FRYL: variants seen among roughly 807,000 people sequenced by gnomAD.
FRYL encodes the protein protein furry homolog-like.
A neutral mutation model predicts 351.2 loss-of-function variants in FRYL; 150 were observed. The observed-to-expected ratio is 0.43, with a 90% confidence interval of 0.37 to 0.49. The LOEUF is 0.49. Among genes scored for constraint, FRYL ranks in the 20% least tolerant of loss-of-function variants. The pLI is 0.00. For missense variants in FRYL, 3,036 were observed against 3,619.3 expected, an observed-to-expected ratio of 0.84 and a Z score of 4.13; for synonymous variants, 1,153 against 1,257.1, an observed-to-expected ratio of 0.92 and a Z score of 1.75.
At chr4:48,640,927 AC>A (rs1755197632) in intron 3 of FRYL, among the ~76,000 whole-genome samples, 1 of 152,216 alleles carries the variant, frequency 6.6e-6, no homozygotes, top group African/African-American at 2.4e-5. Context: ...ACAATAACAT[AC>A]TTGGATCACA....
At chr4:48,636,065 T>C (rs1215371716) in intron 3 of FRYL, among the ~76,000 whole-genome samples, 3 of 152,140 alleles carry the variant, frequency 2.0e-5, no homozygotes, top group African/African-American at 4.8e-5. Flanking sequence ...CATCTTTGTG[T>C]CATATCAAGT....
At chr4:48,736,849 C>T (rs1462457225) in intron 1 of FRYL, among the ~76,000 whole-genome samples, 8 of 28,090 alleles carry the variant, frequency 2.8e-4, no homozygotes, top group African/African-American at 6.1e-4. Context: ...GACTCTGTCT[C>T]GAAAAAAAAA....
intron 1 of FRYL, among the ~76,000 whole-genome samples, chr4:48,756,810 T>C (rs139893724): frequency 2.0e-4 from 31 of 152,164 alleles, no homozygotes; most frequent in African/African-American, 6.7e-4. Flanking sequence ...TCCCCAGGTG[T>C]GGTGGCACAC....
At position 48,708,150 on chromosome 4, in the gene FRYL, G is replaced by A. The variant is rs184373750; in HGVS notation, c.-204+2369C>T. On this transcript the variant is annotated intron_variant, in intron 2 of 63. Transcript: ENST00000358350. ...TTCTTTTTAAGAGACAGGGTGGTAG[G>A]CACCTGTAATCCCAGCTACTCAGGA... Among the ~76,000 whole-genome samples the A allele has an allele frequency of 1.4e-3, 217 of 151,492 alleles. 2 individuals are homozygous for A. The East Asian group carries it at 0.027, about 19-fold the overall frequency.
chr4:48,568,433 T>C (rs1737355923), intron 27 of FRYL, among the ~76,000 whole-genome samples: 1 of 152,222 alleles, frequency 6.6e-6, no homozygotes, highest in South Asian at 2.1e-4. Flanking sequence ...AGTAAGGATG[T>C]AAATGAACTG....
intron 21 of FRYL, among the ~76,000 whole-genome samples, chr4:48,581,167 G>A (rs543966293): frequency 6.0e-5 from 9 of 150,528 alleles, no homozygotes; most frequent in Admixed American, 4.0e-4. Flanking sequence ...TCAGCCTCCC[G>A]AGTAGCTGGA....
At chr4:48,689,823 T>G (rs1049460550) in intron 2 of FRYL, among the ~76,000 whole-genome samples, 1 of 152,048 alleles carries the variant, frequency 6.6e-6, no homozygotes, top group Non-Finnish European at 1.5e-5. Context: ...ATTAAGAGCC[T>G]CTGATAAAAA....
chr4:48,508,448 G>A (rs1227107054), intron 59 of FRYL, among the ~76,000 whole-genome samples: 1 of 152,142 alleles, frequency 6.6e-6, no homozygotes, highest in Non-Finnish European at 1.5e-5. Flanking sequence ...GCAGTTTTCT[G>A]TATAGAGGTA....
chr4:48,718,834 A>G lies in FRYL; in HGVS notation c.-383-8136T>C, dbSNP rs192061115. ...ATCTGACCTACCTATTCAGGTGACC[A>G]TTATGCTCCCCCAACACACAAAAAA... On this transcript the variant is annotated intron_variant, in intron 1 of 63. Transcript: ENST00000358350. 5.3e-5 allele frequency among the ~76,000 whole-genome samples: 8 copies of G among 151,324 alleles called. No homozygotes were observed. The Admixed American group carries it at 5.3e-4, about 10-fold the overall frequency.
At chr4:48,589,694 C>G in intron 18 of FRYL, 51 bp downstream of exon 18, 3 of 1,573,352 alleles carry the variant, frequency 1.9e-6, no homozygotes, top group Non-Finnish European at 2.6e-6. Context: ...ACCATCCACA[C>G]TGTCTTAGGA....
rs563689703 is a variant in FRYL, at chr4:48,498,628, T to A, written c.*794A>T. 6.6e-6 allele frequency: 1 copy of A among 152,662 alleles called. No homozygotes were observed. Among genetic ancestry groups the A allele is most frequent in the Admixed American group, 6.5e-5 (1 of 15,278 alleles). The allele number at this position is 152,662 out of a possible 1,614,324, so 9.5% of individuals were successfully genotyped here. A position where few individuals can be genotyped will look rare whatever the true frequency, so the allele number is the denominator to read the frequency against. On this transcript the variant is annotated 3_prime_UTR_variant, in exon 64 of 64. Coordinates refer to ENST00000358350, the MANE Select transcript of FRYL (RefSeq NM_015030.2). Reference sequence around the variant, plus strand: ...ACGTTAACAGATATATTATTTCTTTTTGAAATACTGGGAAAGCCCAGTTTT... The same window carrying A: ...ACGTTAACAGATATATTATTTCTTTATGAAATACTGGGAAAGCCCAGTTTT...
In FRYL at chr4:48,580,969, T is replaced by A. The variant is rs760122872; in HGVS notation, c.2173-18A>T. On this transcript the variant is annotated intron_variant, in intron 21 of 63. Transcript: ENST00000358350. ...TCATCACCCTGTAAAAAAGACATCA[T>A]ATGTCTAAAAAAATTAGGAATGTTT... 1 of 1,517,772 alleles carries A rather than the reference T, an allele frequency of 6.6e-7. No homozygotes were observed. Among genetic ancestry groups the A allele is most frequent in the Non-Finnish European group, 8.9e-7 (1 of 1,120,652 alleles). 94.0% of individuals were successfully genotyped at this position (1,517,772 alleles called of 1,614,324 possible).
At chr4:48,528,448 G>A in intron 50 of FRYL, 112 bp from the exon 51 acceptor site, 1 of 706,282 alleles carries the variant, frequency 1.4e-6, no homozygotes, top group Non-Finnish European at 2.1e-6. Flanking sequence ...AAAAGATGAG[G>A]AGAGAAATTA....
At chr4:48,769,929 A>T (rs1186096239) in intron 1 of FRYL, among the ~76,000 whole-genome samples, 3 of 152,272 alleles carry the variant, frequency 2.0e-5, no homozygotes, top group Admixed American at 6.5e-5. Context: ...GTAGGGGGGA[A>T]CCTTGAGCTT....
chr4:48,738,629 T>A (rs1198344628), intron 1 of FRYL, among the ~76,000 whole-genome samples: 1 of 151,958 alleles, frequency 6.6e-6, no homozygotes, highest in South Asian at 2.1e-4. Flanking sequence ...TCCCCAGTAG[T>A]TGGGACTACA....
At chr4:48,740,591 G>A (rs1560339331) in intron 1 of FRYL, among the ~76,000 whole-genome samples, 1 of 151,936 alleles carries the variant, frequency 6.6e-6, no homozygotes, top group African/African-American at 2.4e-5. Flanking sequence ...CACCATGCCC[G>A]GCCACAACCT....
intron 3 of FRYL, among the ~76,000 whole-genome samples, chr4:48,645,621 G>A (rs1578501825): frequency 6.6e-6 from 1 of 152,226 alleles, no homozygotes; most frequent in Non-Finnish European, 1.5e-5. Context: ...CATACCTTAA[G>A]TCAGAATCAA....
chr4:48,545,139 AG>A (rs1731056818), intron 42 of FRYL, among the ~76,000 whole-genome samples: 2 of 152,244 alleles, frequency 1.3e-5, no homozygotes, highest in African/African-American at 4.8e-5. Context: ...TAGTAGAAAA[AG>A]ATGCCAAATT....
At chr4:48,650,941 C>T (rs1206374673) in intron 3 of FRYL, among the ~76,000 whole-genome samples, 1 of 152,046 alleles carries the variant, frequency 6.6e-6, no homozygotes, top group Non-Finnish European at 1.5e-5. Context: ...GTGAAAGAGG[C>T]GTGGTAACCA....
Sources: gnomAD v4.1 joint callset for allele counts (sites outside exome capture counted in the v4.1 genomes callset) on GRCh38, gnomAD v4.1.1 for gene constraint, MANE v1.5 for transcripts, NCBI Gene and HGNC (gene_info 2026-07-23, HGNC 2026-07-21) for gene names.